EMB: variants seen among roughly 807,000 people sequenced by gnomAD.
EMB encodes the protein embigin, also known as embigin homolog.
In EMB, 31 loss-of-function variants were observed where a neutral mutation model predicts 41.4. That is an observed-to-expected ratio of 0.75 (90% CI 0.56 to 1.01). EMB has a LOEUF of 1.01. Ranked by LOEUF, EMB falls within the 50% of genes least tolerant of loss-of-function variation. The pLI is 0.00. For synonymous variants in EMB, 137 were observed against 140.4 expected, an observed-to-expected ratio of 0.98 and a Z score of 0.17; for missense variants, 379 against 388.3, an observed-to-expected ratio of 0.98 and a Z score of 0.20.
chr5:50,428,312 G>T, intron 1 of EMB, 85 bp from the exon 2 acceptor site: 1 of 1,285,600 alleles, frequency 7.8e-7, no homozygotes, highest in African/African-American at 1.5e-5. Context: ...CTAAAACACT[G>T]TTGTGAACTA....
intron 2 of EMB, among the ~76,000 whole-genome samples, chr5:50,426,115 C>T (rs1000901049): frequency 1.3e-5 from 2 of 152,110 alleles, no homozygotes; most frequent in East Asian, 3.8e-4. Flanking sequence ...TTTAATAATG[C>T]TGTTAAAAGA....
At chr5:50,440,750 A>T (rs367778485) in intron 1 of EMB, among the ~76,000 whole-genome samples, 1 of 151,752 alleles carries the variant, frequency 6.6e-6, no homozygotes, top group Non-Finnish European at 1.5e-5. Flanking sequence ...TCCTAGGAAA[A>T]ACCAGACTCT....
chr5:50,414,488 G>A (rs1745396299), intron 2 of EMB, among the ~76,000 whole-genome samples: 1 of 130,412 alleles, frequency 7.7e-6, no homozygotes, highest in Non-Finnish European at 1.5e-5. Context: ...TGGCACTACT[G>A]CACGCCAGGC....
chr5:50,425,782 C>G (rs377073388), intron 2 of EMB, among the ~76,000 whole-genome samples: 1 of 150,622 alleles, frequency 6.6e-6, no homozygotes, highest in African/African-American at 2.5e-5. Flanking sequence ...CTCCCAGGTT[C>G]AAGTGATTCT....
At chr5:50,429,471 G>C (rs1350602458) in intron 1 of EMB, among the ~76,000 whole-genome samples, 1 of 152,070 alleles carries the variant, frequency 6.6e-6, no homozygotes, top group East Asian at 1.9e-4. Context: ...GATCACTTTT[G>C]TTACTTTAGC....
intron 2 of EMB, among the ~76,000 whole-genome samples, chr5:50,412,561 G>A (rs899763919): frequency 4.6e-5 from 7 of 151,852 alleles, no homozygotes; most frequent in South Asian, 2.1e-4. Context: ...AACTCATTTC[G>A]TTTTTCCATA....
At chr5:50,435,070 T>G (rs1210577511) in intron 1 of EMB, among the ~76,000 whole-genome samples, 1 of 152,238 alleles carries the variant, frequency 6.6e-6, no homozygotes, top group African/African-American at 2.4e-5. Flanking sequence ...AACAGATTTC[T>G]CAACTACTGT....
chr5:50,437,185 C>T (rs554718656), intron 1 of EMB, among the ~76,000 whole-genome samples: 36 of 152,240 alleles, frequency 2.4e-4, no homozygotes, highest in Middle Eastern at 3.4e-3. Flanking sequence ...GTGGGAGGAT[C>T]TCTTGAGCCC....
At chr5:50,415,346 C>T (rs1395297442) in intron 2 of EMB, among the ~76,000 whole-genome samples, 1 of 152,088 alleles carries the variant, frequency 6.6e-6, no homozygotes, top group African/African-American at 2.4e-5. Flanking sequence ...TGATTCTATA[C>T]CTTGCATGTG....
At chr5:50,415,826 TAAAAG>T (rs1205414056) in intron 2 of EMB, among the ~76,000 whole-genome samples, 3 of 152,120 alleles carry the variant, frequency 2.0e-5, no homozygotes, top group African/African-American at 4.8e-5. Context: ...AGATTTTAAA[TAAAAG>T]AAAATATTAA....
chr5:50,411,599 A>T (rs1357611339), intron 2 of EMB: 8 of 378,624 alleles, frequency 2.1e-5, no homozygotes, highest in Middle Eastern at 7.3e-4. Flanking sequence ...TAACACAATT[A>T]AAAAAAACCT....
At chr5:50,431,831 G>T (rs1403730411) in intron 1 of EMB, among the ~76,000 whole-genome samples, 1 of 152,044 alleles carries the variant, frequency 6.6e-6, no homozygotes. Flanking sequence ...TTCTCTCTTT[G>T]CAGGGCAGTT....
chr5:50,428,317 G>A, intron 1 of EMB, 90 bp from the exon 2 acceptor site: 1 of 1,274,640 alleles, frequency 7.8e-7, no homozygotes, highest in East Asian at 2.4e-5. Context: ...ACACTGTTGT[G>A]AACTATTAAT....
At chr5:50,429,968 T>TTCTCTCTCTC (rs780667856) in intron 1 of EMB, among the ~76,000 whole-genome samples, 9 of 62,146 alleles carry the variant, frequency 1.4e-4, no homozygotes, top group South Asian at 1.0e-3. Context: ...CCAACTCTCT[T>TTCTCTCTCTC]TCTCTCTCTC....
chr5:50,413,580 C>A (rs1211410765), intron 2 of EMB, among the ~76,000 whole-genome samples: 2 of 150,454 alleles, frequency 1.3e-5, no homozygotes, highest in African/African-American at 4.9e-5. Context: ...CTTTTTCTTT[C>A]TTTCTTTTTT....
chr5:50,434,201 C>G (rs1745767904), intron 1 of EMB, among the ~76,000 whole-genome samples: 1 of 152,156 alleles, frequency 6.6e-6, no homozygotes, highest in Non-Finnish European at 1.5e-5. Context: ...AGGGATACTG[C>G]TAAACATTTT....
intron 1 of EMB, among the ~76,000 whole-genome samples, chr5:50,432,949 G>A (rs190908477): frequency 1.3e-5 from 2 of 152,008 alleles, no homozygotes; most frequent in Admixed American, 1.3e-4. Flanking sequence ...ATGGTGGCAT[G>A]CACCTGTGGT....
In EMB at chr5:50,398,400, A is replaced by G. The variant is rs888361318; in HGVS notation, c.*873T>C. ...TAAAGCACTAATAATGCAGGTTTAGATATTTAACCAGCCATAGATACCAGG... is the reference window on the plus strand; with the variant it reads ...TAAAGCACTAATAATGCAGGTTTAGGTATTTAACCAGCCATAGATACCAGG... On this transcript the variant is annotated 3_prime_UTR_variant, in exon 9 of 9. Transcript: ENST00000303221. 1.3e-5 allele frequency: 2 copies of G among 151,924 alleles called. No individual in the cohort carries two copies. The highest frequency in any genetic ancestry group is 4.8e-5 in the African/African-American group (2 of 41,384). 9.4% of individuals were successfully genotyped at this position (151,924 alleles called of 1,614,324 possible). A position where few individuals can be genotyped will look rare whatever the true frequency, so the allele number is the denominator to read the frequency against.
chr5:50,424,239 C>T (rs953977184), intron 2 of EMB, among the ~76,000 whole-genome samples: 8 of 152,082 alleles, frequency 5.3e-5, no homozygotes, highest in East Asian at 1.9e-4. Flanking sequence ...TTTAGATACT[C>T]GTAGGTGTGG....
Sources: gnomAD v4.1 joint callset for allele counts (sites outside exome capture counted in the v4.1 genomes callset) on GRCh38, gnomAD v4.1.1 for gene constraint, MANE v1.5 for transcripts, NCBI Gene and HGNC (gene_info 2026-07-23, HGNC 2026-07-21) for gene names.